Variants in ZHX3 observed in about 807,000 individuals in gnomAD.
ZHX3 encodes zinc fingers and homeoboxes protein 3.
ZHX3 carries 20 observed loss-of-function variants against 64.5 expected under a neutral mutation model. The observed-to-expected ratio is 0.31, with a 90% CI of 0.22 to 0.45. ZHX3 has a LOEUF of 0.45. Among genes scored for constraint, ZHX3 ranks in the 20% least tolerant of loss-of-function variants. The pLI, the probability that ZHX3 is intolerant of heterozygous loss-of-function variation, is 1.00. For synonymous variants in ZHX3, 423 were observed against 461.6 expected, an observed-to-expected ratio of 0.92 and a Z score of 1.07; for missense variants, 1,041 against 1,195.8, an observed-to-expected ratio of 0.87 and a Z score of 1.91.
intron 1 of ZHX3, among the ~76,000 whole-genome samples, chr20:41,303,640 C>G (rs2044890485): frequency 6.6e-6 from 1 of 152,210 alleles, no homozygotes; most frequent in Non-Finnish European, 1.5e-5. Flanking sequence ...AACAGGCACT[C>G]CTCCTCTGGC....
At chr20:41,297,400 T>G (rs17181719) in intron 1 of ZHX3, among the ~76,000 whole-genome samples, 10,468 of 152,226 alleles carry the variant, frequency 0.069, 396 homozygotes, top group Middle Eastern at 0.17. Flanking sequence ...GTTTTAAATC[T>G]TCAGTCCAGC....
intron 1 of ZHX3, among the ~76,000 whole-genome samples, chr20:41,279,580 A>G (rs1319974036): frequency 2.0e-5 from 3 of 152,206 alleles, no homozygotes; most frequent in Admixed American, 2.0e-4. Context: ...TGATTAACTT[A>G]GAATGTACTT....
At chr20:41,198,486 T>G (rs936886437) in intron 3 of ZHX3, among the ~76,000 whole-genome samples, 1 of 152,006 alleles carries the variant, frequency 6.6e-6, no homozygotes, top group Non-Finnish European at 1.5e-5. Context: ...TTTAGAGGTT[T>G]TTTTTTTTTC....
At chr20:41,196,470 T>TTTATA (rs2037614678) in intron 3 of ZHX3, among the ~76,000 whole-genome samples, 1 of 52,174 alleles carries the variant, frequency 1.9e-5, no homozygotes, top group Non-Finnish European at 3.2e-5. Flanking sequence ...ATATATAATA[T>TTTATA]ATATTTATAT....
Position 41,280,907 on chromosome 20 carries a change from G to C in ZHX3, c.-244-11824C>G, listed in dbSNP as rs553779008. 1.2e-4 allele frequency among the ~76,000 whole-genome samples: 18 copies of C among 151,796 alleles called. No homozygotes were observed. The East Asian group carries it at 3.5e-3, about 29-fold the overall frequency. On this transcript the variant is annotated intron_variant, in intron 1 of 3. Coordinates refer to ENST00000683867, the MANE Select transcript of ZHX3 (RefSeq NM_001384317.1). ...CTTTTTTTTTTTAAAGGAGAGGACA[G>C]AGGAAAAGAAATTACCAAAGAAATA...
At chr20:41,189,871 G>T (rs933502662) in intron 3 of ZHX3, among the ~76,000 whole-genome samples, 1 of 152,174 alleles carries the variant, frequency 6.6e-6, no homozygotes, top group African/African-American at 2.4e-5. Flanking sequence ...CTGAATAGGA[G>T]CGGTGAAAGT....
At chr20:41,217,751 C>T (rs1477572557) in intron 2 of ZHX3, among the ~76,000 whole-genome samples, 2 of 152,190 alleles carry the variant, frequency 1.3e-5, no homozygotes, top group African/African-American at 4.8e-5. Flanking sequence ...TTATTATTGG[C>T]CTTCCCTCAT....
chr20:41,274,296 A>AT (rs2043283649), intron 1 of ZHX3, among the ~76,000 whole-genome samples: 1 of 152,214 alleles, frequency 6.6e-6, no homozygotes, highest in Non-Finnish European at 1.5e-5. Flanking sequence ...TTGTTCACTG[A>AT]TAAGAGTTAA....
chr20:41,300,853 TGGGTCAGAAAGACAGAC>T (rs2044774276), intron 1 of ZHX3, among the ~76,000 whole-genome samples: 1 of 152,202 alleles, frequency 6.6e-6, no homozygotes, highest in South Asian at 2.1e-4. Context: ...CACAGAATGA[TGGGTCAGAAAGACAGAC>T]GGGCCAGAAA....
chr20:41,195,274 C>A lies in ZHX3; in HGVS notation c.2860+6783G>T, dbSNP rs2037392915. Among the ~76,000 whole-genome samples, 1 of 152,064 alleles carries A rather than the reference C, an allele frequency of 6.6e-6. No homozygotes were observed. The highest frequency in any genetic ancestry group is 2.4e-5 in the African/African-American group (1 of 41,390). On this transcript the variant is annotated intron_variant, in intron 3 of 3. Coordinates refer to ENST00000683867, the MANE Select transcript of ZHX3 (RefSeq NM_001384317.1). The surrounding 1 kb of genome is among the most constrained non-coding windows in gnomAD (Gnocchi z 4.2). ...GGCACTACAGGAACATGCCACCACA[C>A]CTGGCTTATTTTTTACTTTTTTGTA...
rs1406178530 is a variant in ZHX3, at chr20:41,181,541, G to C, written c.*3650C>G. 3 of 152,158 alleles carry C rather than the reference G, an allele frequency of 2.0e-5. No homozygotes were observed. The highest frequency in any genetic ancestry group is 2.9e-5 in the Non-Finnish European group (2 of 68,060). 9.4% of individuals were successfully genotyped at this position (152,158 alleles called of 1,614,324 possible). The stretch of plus-strand genomic sequence containing the variant: ...CAATCTGAGGATATTGGTCCAAAAA[G>C]AGACAAGAGACCACGAGGCTCAAGC... On this transcript the variant is annotated 3_prime_UTR_variant, in exon 4 of 4. Coordinates refer to ENST00000683867, the MANE Select transcript of ZHX3 (RefSeq NM_001384317.1).
At chr20:41,278,216 A>G (rs1176985349) in intron 1 of ZHX3, among the ~76,000 whole-genome samples, 1 of 138,038 alleles carries the variant, frequency 7.2e-6, no homozygotes, top group Non-Finnish European at 1.6e-5. Context: ...TGGGGGTAAC[A>G]CTTGTAGTCC....
chr20:41,222,715 C>CA (rs1311828192), intron 2 of ZHX3, among the ~76,000 whole-genome samples: 3 of 151,976 alleles, frequency 2.0e-5, no homozygotes, highest in African/African-American at 7.3e-5. Context: ...AATGTTGTTC[C>CA]AAGTACTAAG....
At position 41,228,831 on chromosome 20, in the gene ZHX3, C is replaced by T. The variant is rs2040427299; in HGVS notation, c.-150-23765G>A. ...CACATCTCTCTTTTCTCTTTTCCCA[C>T]ATGAAATGTTAATGGTCTCGGAAGC... On this transcript the variant is annotated intron_variant, in intron 2 of 3. Transcript: ENST00000683867. The surrounding 1 kb of genome is among the most constrained non-coding windows in gnomAD (Gnocchi z 4.6). 6.6e-6 allele frequency among the ~76,000 whole-genome samples: 1 copy of T among 152,190 alleles called. No homozygotes were observed. The highest frequency in any genetic ancestry group is 2.4e-5 in the African/African-American group (1 of 41,450).
At chr20:41,248,558 A>C (rs2041827791) in intron 2 of ZHX3, among the ~76,000 whole-genome samples, 1 of 152,210 alleles carries the variant, frequency 6.6e-6, no homozygotes, top group African/African-American at 2.4e-5. Flanking sequence ...AAATGTTAAA[A>C]TGTTGGTGGC....
chr20:41,211,613 T>C (rs1052995090), intron 2 of ZHX3, among the ~76,000 whole-genome samples: 4 of 152,240 alleles, frequency 2.6e-5, no homozygotes, highest in African/African-American at 9.6e-5. Context: ...TTGTGCTTTT[T>C]TCACCAAACA....
In ZHX3 at chr20:41,186,380, C is replaced by T. The variant is rs562542610; in HGVS notation, c.2861-1179G>A. 7.9e-5 allele frequency among the ~76,000 whole-genome samples: 12 copies of T among 152,318 alleles called. No homozygotes were observed. In the South Asian group the frequency reaches 1.9e-3, roughly 24 times the overall value. On this transcript the variant is annotated intron_variant, in intron 3 of 3. Coordinates refer to ENST00000683867, the MANE Select transcript of ZHX3 (RefSeq NM_001384317.1). ...TAATATCTTACTGTATGTACACACA[C>T]ATTTTCTTTATTTATCTGGTGGTAA...
chr20:41,200,728 A>G lies in ZHX3; in HGVS notation c.2860+1329T>C, dbSNP rs1780934532. Among the ~76,000 whole-genome samples, 1 of 152,184 alleles carries G rather than the reference A, an allele frequency of 6.6e-6. No homozygotes were observed. The highest frequency in any genetic ancestry group is 2.4e-5 in the African/African-American group (1 of 41,446). On this transcript the variant is annotated intron_variant, in intron 3 of 3. Coordinates refer to ENST00000683867, the MANE Select transcript of ZHX3 (RefSeq NM_001384317.1). The surrounding 1 kb of genome is among the most constrained non-coding windows in gnomAD (Gnocchi z 4.2). Reference sequence around the variant, plus strand: ...AACTGGATTTTGCCTTAGTATGTTAATATGAGAAGAACAGGCTTTCTGCAA... The same window carrying G: ...AACTGGATTTTGCCTTAGTATGTTAGTATGAGAAGAACAGGCTTTCTGCAA...
intron 1 of ZHX3, among the ~76,000 whole-genome samples, chr20:41,313,067 A>C (rs2045188691): frequency 6.6e-6 from 1 of 152,228 alleles, no homozygotes; most frequent in East Asian, 1.9e-4. Flanking sequence ...CCAAAAAGCC[A>C]TACAGATGGG....
Sources: allele counts gnomAD v4.1 joint callset (sites outside exome capture counted in the v4.1 genomes callset), GRCh38; gene constraint gnomAD v4.1.1; non-coding constraint Gnocchi (gnomAD v3.1); transcripts MANE v1.5; gene names NCBI Gene and HGNC (gene_info 2026-07-23, HGNC 2026-07-21).